USP3: variants seen among roughly 807,000 people sequenced by gnomAD.
USP3 encodes the protein ubiquitin specific peptidase 3, also known as ubiquitin carboxyl-terminal hydrolase 3.
A neutral mutation model predicts 72.3 loss-of-function variants in USP3; 20 were observed. The observed-to-expected ratio is 0.28, with a 90% CI of 0.19 to 0.40. The LOEUF (loss-of-function observed/expected upper bound fraction) is 0.40, where lower values mean the gene tolerates loss of function less well. USP3 is among the 10% of genes least tolerant of loss of function. The pLI is 1.00. For missense variants in USP3, 479 were observed against 633.9 expected (o/e 0.76, Z 2.62); for synonymous variants, 222 against 225.3 (o/e 0.99, Z 0.13).
At chr15:63,575,124 T>C (rs1281004354) in intron 11 of USP3, among the ~76,000 whole-genome samples, 1 of 151,672 alleles carries the variant, frequency 6.6e-6, no homozygotes, top group African/African-American at 2.4e-5. Context: ...AATGCTCTTT[T>C]CTCTTCTCTA....
At chr15:63,524,019 A>G (rs998786492) in intron 1 of USP3, among the ~76,000 whole-genome samples, 14 of 152,228 alleles carry the variant, frequency 9.2e-5, no homozygotes, top group Admixed American at 5.9e-4. Flanking sequence ...TGGGATTTCT[A>G]TGGAAATAGT....
In USP3 at chr15:63,504,734, G is replaced by T. The variant is rs374344249; in HGVS notation, c.-6G>T. The T allele has an allele frequency of 1.2e-6, 2 of 1,602,494 alleles. No homozygotes were observed. The highest frequency in any genetic ancestry group is 8.5e-7 in the Non-Finnish European group (1 of 1,174,786). ...CGCAGTCCTCCCAGCTGCCCTCCTCGTGGCCATGGAGTGTCCACACCTGAG... is the reference window on the plus strand; with the variant it reads ...CGCAGTCCTCCCAGCTGCCCTCCTCTTGGCCATGGAGTGTCCACACCTGAG... On this transcript the variant is annotated 5_prime_UTR_variant, in exon 1 of 15. Transcript: ENST00000380324.
At position 63,591,052 on chromosome 15, in the gene USP3, AT is replaced by A; in HGVS notation, c.*228del. On this transcript the variant is annotated 3_prime_UTR_variant, in exon 15 of 15. Transcript: ENST00000380324. ...TTGATTTGCTGCTTTAGTTGTAATA[AT>A]TCAATTTTTATAGGTAGTTGTAAGA... 1 of 457,126 alleles carries A rather than the reference AT, an allele frequency of 2.2e-6. No individual in the cohort carries two copies. 28.3% of individuals were successfully genotyped at this position (457,126 alleles called of 1,614,324 possible).
rs554563033 is a variant in USP3 at position 63,547,686 on chromosome 15, G to C, written c.285-6029G>C. 4.0e-4 allele frequency among the ~76,000 whole-genome samples: 58 copies of C among 146,566 alleles called. 2 individuals carry two copies. In the South Asian group the frequency reaches 0.013, roughly 33 times the overall value. ...TCAAGGCTGCAGTGAGCTGTGATCT[G>C]TGATAGCATTGCTGCAGAGCAAGAC... On this transcript the variant is annotated intron_variant, in intron 3 of 14. Transcript: ENST00000380324.
intron 1 of USP3, among the ~76,000 whole-genome samples, chr15:63,508,183 TC>T (rs1314126207): frequency 1.3e-5 from 2 of 152,148 alleles, no homozygotes; most frequent in African/African-American, 4.8e-5. Flanking sequence ...CCTGAATGGG[TC>T]CTGGAAACTT....
intron 11 of USP3, among the ~76,000 whole-genome samples, chr15:63,583,621 CCATTAAACAGTAACT>C (rs1322149035): frequency 1.3e-5 from 2 of 152,098 alleles, no homozygotes; most frequent in African/African-American, 2.4e-5. Context: ...AACTCTGTAC[CCATTAAACAGTAACT>C]CATTACTTTT....
chr15:63,551,760 A>T (rs975882659), intron 3 of USP3: 2 of 152,236 alleles, frequency 1.3e-5, no homozygotes, highest in African/African-American at 4.8e-5. Flanking sequence ...TAAAAGTTTT[A>T]AAAATAAAAA....
chr15:63,516,987 A>T, intron 1 of USP3, among the ~76,000 whole-genome samples: 2 of 139,210 alleles, frequency 1.4e-5, no homozygotes, highest in African/African-American at 5.4e-5. Context: ...GTAGTCTCTG[A>T]TTTTCTTATT....
intron 11 of USP3, among the ~76,000 whole-genome samples, chr15:63,579,924 T>G (rs143049012): frequency 6.6e-6 from 1 of 152,300 alleles, no homozygotes; most frequent in African/African-American, 2.4e-5. Flanking sequence ...GACACTCGTG[T>G]TGTTGTTATA....
intron 7 of USP3, 135 bp downstream of exon 7, chr15:63,560,105 C>A: frequency 1.3e-6 from 1 of 742,212 alleles, no homozygotes; most frequent in Non-Finnish European, 2.1e-6. Flanking sequence ...GTTTAAATAT[C>A]TAGTTAGCAA....
rs1463626207 is a variant in USP3, at chr15:63,593,315, T to C, written c.*2489T>C. The C allele has an allele frequency of 6.6e-6, 1 of 152,222 alleles. No homozygotes were observed. The highest frequency in any genetic ancestry group is 1.5e-5 in the Non-Finnish European group (1 of 68,034). 9.4% of individuals were successfully genotyped at this position (152,222 alleles called of 1,614,324 possible). ...CATCTAATTCAACCTGAAATGTGAG[T>C]CTCCTTTGATCTTGCAAAGTATCTC... On this transcript the variant is annotated 3_prime_UTR_variant, in exon 15 of 15. Coordinates refer to ENST00000380324, the MANE Select transcript of USP3 (RefSeq NM_006537.4).
chr15:63,538,850 G>A (rs891614146), intron 3 of USP3, among the ~76,000 whole-genome samples: 1 of 152,014 alleles, frequency 6.6e-6, no homozygotes, highest in African/African-American at 2.4e-5. Flanking sequence ...ATTAAATTTT[G>A]GCTATTGAAT....
Position 63,529,022 on chromosome 15 carries a change from TG to T in USP3, c.92-3624del. 5 of 1,289,016 alleles carry T rather than the reference TG, an allele frequency of 3.9e-6. No homozygotes were observed. Among genetic ancestry groups the T allele is most frequent in the Non-Finnish European group, 5.1e-6 (5 of 988,648 alleles). The allele number at this position is 1,289,016 out of a possible 1,614,324, so 79.8% of individuals were successfully genotyped here. A position where few individuals can be genotyped will look rare whatever the true frequency, so the allele number is the denominator to read the frequency against. On this transcript the variant is annotated intron_variant, in intron 1 of 14. Coordinates refer to ENST00000380324, the MANE Select transcript of USP3 (RefSeq NM_006537.4). The surrounding 1 kb of genome is among the most constrained non-coding windows in gnomAD (Gnocchi z 4.2). The stretch of plus-strand genomic sequence containing the variant: ...CCTCTGTATCTTTCTAGCCTTCAAA[TG>T]TTTATCTGGTGTGACTGTATTATGC...
intron 3 of USP3, among the ~76,000 whole-genome samples, chr15:63,552,258 A>G (rs1200128758): frequency 6.6e-6 from 1 of 152,232 alleles, no homozygotes; most frequent in Non-Finnish European, 1.5e-5. Context: ...TAGCAATACA[A>G]TTTCATTCTT....
intron 2 of USP3, among the ~76,000 whole-genome samples, chr15:63,536,195 A>T (rs989534949): frequency 6.6e-6 from 1 of 152,210 alleles, no homozygotes; most frequent in Admixed American, 6.5e-5. Flanking sequence ...TGTAAGCTTA[A>T]GGTGATTTGT....
intron 11 of USP3, among the ~76,000 whole-genome samples, chr15:63,575,638 A>AG (rs2066851483): frequency 6.6e-6 from 1 of 152,216 alleles, no homozygotes; most frequent in Non-Finnish European, 1.5e-5. Context: ...CTTAACAGGA[A>AG]TACAGAAGAA....
chr15:63,538,712 A>C (rs2066197394), intron 3 of USP3, among the ~76,000 whole-genome samples: 2 of 151,788 alleles, frequency 1.3e-5, no homozygotes, highest in South Asian at 4.2e-4. Flanking sequence ...CTCCCGGCTA[A>C]TTTTTTTGTA....
chr15:63,504,942 C>A, intron 1 of USP3, 112 bp downstream of exon 1: 1 of 775,774 alleles, frequency 1.3e-6, no homozygotes, highest in Non-Finnish European at 1.6e-6. Context: ...GGGGCGAGGG[C>A]GAGCCGGGCC....
Position 63,588,355 on chromosome 15 carries a change from T to C in USP3, c.1147T>C (p.Tyr383His), listed in dbSNP as rs2067117571. ...AGAAGAACTTGATGAGACAGAGTTA[T>C]ATATGTGCCATAAATGCAAAAAGAA... Reference protein sequence around the residue: ...DLEELDETELYMCHKCKKKQK... With the variant: ...DLEELDETELHMCHKCKKKQK... Residue 383 changes from tyrosine (Y) to histidine (H), a missense_variant, in exon 12 of 15, where the codon TAT becomes CAT. By Grantham distance (83) the Tyr-to-His change is moderately conservative. Transcript: ENST00000380324. The surrounding 1 kb of genome is among the most constrained non-coding windows in gnomAD (Gnocchi z 4.6). 1.9e-6 allele frequency: 3 copies of C among 1,608,012 alleles called. No homozygotes were observed. The highest frequency in any genetic ancestry group is 1.1e-5 in the South Asian group (1 of 89,388).
Sources: gnomAD v4.1 joint callset for allele counts (sites outside exome capture counted in the v4.1 genomes callset) on GRCh38, gnomAD v4.1.1 for gene constraint, Gnocchi (gnomAD v3.1) non-coding constraint, MANE v1.5 for transcripts, NCBI Gene and HGNC (gene_info 2026-07-23, HGNC 2026-07-21) for gene names.